NRXN1: variants seen among roughly 807,000 people sequenced by gnomAD.
The protein encoded by NRXN1 is neurexin 1.
In NRXN1, 39 loss-of-function variants were observed where a neutral mutation model predicts 150.9. The ratio of observed to expected loss-of-function variants is 0.26; its 90% CI spans 0.20 to 0.34. The LOEUF (loss-of-function observed/expected upper bound fraction) is 0.34, where lower values mean the gene tolerates loss of function less well. NRXN1 is among the 10% of genes least tolerant of loss of function. The probability of loss-of-function intolerance (pLI) is 1.00; values close to 1 mark genes in which losing one functional copy is unlikely to be tolerated. For synonymous variants in NRXN1, 924 were observed against 757.0 expected (o/e 1.22, Z -3.62); for missense variants, 1,815 against 1,949.9 (o/e 0.93, Z 1.30).
At position 50,739,597 on chromosome 2, in the gene NRXN1, G is replaced by A. The variant is rs138871949; in HGVS notation, c.833-115982C>T. On this transcript the variant is annotated intron_variant, in intron 5 of 22. Coordinates refer to ENST00000401669, the MANE Select transcript of NRXN1 (RefSeq NM_001330078.2). ...TTACTAAATAAAACAAGCTTTTATC[G>A]GCTACTTACTCTATTGCATTGGTCT... Among the ~76,000 whole-genome samples, 75 of 152,058 alleles carry A rather than the reference G, an allele frequency of 4.9e-4. 1 individual carries two copies. The highest frequency in any genetic ancestry group is 1.6e-3 in the African/African-American group (66 of 41,472).
chr2:50,320,969 A>G (rs1486267360), intron 17 of NRXN1, among the ~76,000 whole-genome samples: 1 of 152,144 alleles, frequency 6.6e-6, no homozygotes, highest in Non-Finnish European at 1.5e-5. Context: ...GTGTAGGAAA[A>G]TCTGTGGTGG....
intron 17 of NRXN1, among the ~76,000 whole-genome samples, chr2:50,277,087 G>T (rs1005201336): frequency 1.3e-5 from 2 of 152,084 alleles, no homozygotes; most frequent in Non-Finnish European, 2.9e-5. Flanking sequence ...CGTTCAGAAT[G>T]TAAGAATGTT....
At chr2:50,117,302 A>G (rs1489475263) in intron 18 of NRXN1, among the ~76,000 whole-genome samples, 1 of 152,148 alleles carries the variant, frequency 6.6e-6, no homozygotes, top group Non-Finnish European at 1.5e-5. Flanking sequence ...GCAAAATAAC[A>G]GCAACTTTTG....
intron 18 of NRXN1, among the ~76,000 whole-genome samples, chr2:50,139,190 G>T (rs982013378): frequency 1.3e-5 from 2 of 152,098 alleles, no homozygotes; most frequent in Non-Finnish European, 2.9e-5. Flanking sequence ...GCCGGGCGTG[G>T]TGGCGTGTGC....
chr2:50,775,281 T>C (rs1363366795), intron 5 of NRXN1, among the ~76,000 whole-genome samples: 1 of 152,106 alleles, frequency 6.6e-6, no homozygotes, highest in East Asian at 1.9e-4. Flanking sequence ...CTCGGTATCC[T>C]GTGGGGCCTA....
intron 5 of NRXN1, among the ~76,000 whole-genome samples, chr2:50,636,079 T>C (rs988417440): frequency 1.3e-5 from 2 of 152,170 alleles, no homozygotes; most frequent in South Asian, 2.1e-4. Context: ...AATATCACGA[T>C]GCCCAACACC....
intron 5 of NRXN1, among the ~76,000 whole-genome samples, chr2:50,859,204 A>G (rs189038932): frequency 6.8e-4 from 103 of 152,072 alleles, no homozygotes; most frequent in African/African-American, 2.4e-3. Context: ...TGGGTCCAGG[A>G]AAGCCAGGTC....
At chr2:50,062,391 C>T (rs985754468) in intron 19 of NRXN1, among the ~76,000 whole-genome samples, 1 of 152,080 alleles carries the variant, frequency 6.6e-6, no homozygotes, top group African/African-American at 2.4e-5. Flanking sequence ...GAAGCAAGCC[C>T]TCACTAGAAA....
intron 5 of NRXN1, among the ~76,000 whole-genome samples, chr2:50,907,904 T>C (rs1429765138): frequency 6.6e-6 from 1 of 152,092 alleles, no homozygotes; most frequent in Non-Finnish European, 1.5e-5. Context: ...TGTAGTAATT[T>C]GTTATGGCAT....
At chr2:50,252,999 G>A (rs2067308625) in intron 17 of NRXN1, among the ~76,000 whole-genome samples, 1 of 152,086 alleles carries the variant, frequency 6.6e-6, no homozygotes, top group African/African-American at 2.4e-5. Flanking sequence ...AATTGCTTTG[G>A]GCAGTATGGC....
chr2:50,855,284 C>A (rs886572053), intron 5 of NRXN1, among the ~76,000 whole-genome samples: 2 of 151,934 alleles, frequency 1.3e-5, no homozygotes, highest in Non-Finnish European at 2.9e-5. Context: ...TAACTTTATA[C>A]AAGCAATGAA....
At chr2:50,160,640 A>G (rs1468554169) in intron 18 of NRXN1, among the ~76,000 whole-genome samples, 1 of 152,154 alleles carries the variant, frequency 6.6e-6, no homozygotes, top group Non-Finnish European at 1.5e-5. Flanking sequence ...ACACACCTAA[A>G]TATACCTTAA....
chr2:50,454,744 T>A (rs1381582597), intron 17 of NRXN1, among the ~76,000 whole-genome samples: 1 of 150,978 alleles, frequency 6.6e-6, no homozygotes, highest in Non-Finnish European at 1.5e-5. Context: ...TCTTCAAATA[T>A]TACTGAGCAT....
intron 5 of NRXN1, among the ~76,000 whole-genome samples, chr2:50,910,810 A>G (rs1047953620): frequency 7.2e-5 from 11 of 151,870 alleles, no homozygotes; most frequent in African/African-American, 2.7e-4. Flanking sequence ...CTAATCTTTG[A>G]CCAAAAAAGT....
rs557319826 is a variant in NRXN1 at position 51,011,672 on chromosome 2, A to C, written c.772+15830T>G. 2.0e-5 allele frequency among the ~76,000 whole-genome samples: 3 copies of C among 152,166 alleles called. No individual in the cohort carries two copies. In the South Asian group the frequency reaches 6.2e-4, roughly 32 times the overall value. ...AAATAATGACTGGCTTAGATCACAA[A>C]GTTTCTGTTGAAAGAAAATGGTAAG... On this transcript the variant is annotated intron_variant, in intron 2 of 22. Transcript: ENST00000401669.
chr2:50,341,635 A>C (rs2077555187), intron 17 of NRXN1, among the ~76,000 whole-genome samples: 1 of 152,226 alleles, frequency 6.6e-6, no homozygotes, highest in Admixed American at 6.5e-5. Flanking sequence ...ATTCATTATT[A>C]GTGTAAATTT....
chr2:49,999,773 A>G (rs1458006973), intron 21 of NRXN1, among the ~76,000 whole-genome samples: 3 of 152,294 alleles, frequency 2.0e-5, no homozygotes, highest in East Asian at 3.9e-4. Flanking sequence ...CTAAACATAT[A>G]TCATCTTCAT....
At chr2:50,121,786 A>G (rs1299056369) in intron 18 of NRXN1, among the ~76,000 whole-genome samples, 1 of 152,250 alleles carries the variant, frequency 6.6e-6, no homozygotes, top group Non-Finnish European at 1.5e-5. Flanking sequence ...ATTAAGGATT[A>G]GCGAGATTGA....
chr2:50,418,153 T>G (rs1006771101), intron 17 of NRXN1, among the ~76,000 whole-genome samples: 1 of 151,966 alleles, frequency 6.6e-6, no homozygotes, highest in African/African-American at 2.4e-5. Flanking sequence ...ATTTAGGAGA[T>G]GAAACAAGTG....
Sources: gnomAD v4.1 joint callset for allele counts (sites outside exome capture counted in the v4.1 genomes callset) on GRCh38, gnomAD v4.1.1 for gene constraint, MANE v1.5 for transcripts, NCBI Gene and HGNC (gene_info 2026-07-23, HGNC 2026-07-21) for gene names.